The following CSGALNACT1 variants were observed in gnomAD, a reference collection of about 807,000 sequenced individuals.
The protein encoded by CSGALNACT1 is beta4GalNAcT-1.
A neutral mutation model predicts 51.0 loss-of-function variants in CSGALNACT1; 52 were observed. That is an observed-to-expected ratio of 1.02 (90% CI 0.82 to 1.29). CSGALNACT1 has a LOEUF of 1.29. Among genes scored for constraint, CSGALNACT1 ranks in the 50% most tolerant of loss-of-function variants. The pLI, the probability that CSGALNACT1 is intolerant of heterozygous loss-of-function variation, is 0.00. For synonymous variants in CSGALNACT1, 341 were observed against 254.4 expected, an observed-to-expected ratio of 1.34 and a Z score of -3.24; for missense variants, 935 against 679.2, an observed-to-expected ratio of 1.38 and a Z score of -4.19.
At chr8:19,729,425 C>T (rs2063569768) in intron 1 of CSGALNACT1, among the ~76,000 whole-genome samples, 1 of 152,168 alleles carries the variant, frequency 6.6e-6, no homozygotes, top group Admixed American at 6.5e-5. Context: ...AGCTGTAAAA[C>T]ACTTCCAGAT....
At chr8:19,606,655 A>G (rs1416642487), upstream of CSGALNACT1, among the ~76,000 whole-genome samples, 1 of 152,200 alleles carries the variant, frequency 6.6e-6, no homozygotes, top group Non-Finnish European at 1.5e-5. Context: ...ACGGAAACAT[A>G]TCTATTTTTA....
chr8:19,676,083 T>TAAAAAAAAAAAAAAAAA (rs1564404826), intron 1 of CSGALNACT1, among the ~76,000 whole-genome samples: 27 of 59,150 alleles, frequency 4.6e-4, no homozygotes, highest in African/African-American at 1.2e-3. Flanking sequence ...GTTGTCTGAT[T>TAAAAAAAAAAAAAAAAA]TAAAAAACAA....
At chr8:19,428,454 A>AC (rs2059124622) in intron 6 of CSGALNACT1, among the ~76,000 whole-genome samples, 2 of 152,238 alleles carry the variant, frequency 1.3e-5, no homozygotes, top group East Asian at 3.9e-4. Context: ...AGACTTATTC[A>AC]CCACCATGAG....
intron 6 of CSGALNACT1, among the ~76,000 whole-genome samples, chr8:19,428,863 G>GTGTGTGTGTGTGTGTGTGTGTGTGTGTA (rs2059213769): frequency 6.8e-6 from 1 of 147,678 alleles, no homozygotes; most frequent in Non-Finnish European, 1.5e-5. Context: ...GTGTGTGTGT[G>GTGTGTGTGTGTGTGTGTGTGTGTGTGTA]TGTGTGTGTG....
chr8:19,703,045 T>C (rs1049040376), intron 1 of CSGALNACT1, among the ~76,000 whole-genome samples: 1 of 152,162 alleles, frequency 6.6e-6, no homozygotes, highest in Admixed American at 6.5e-5. Context: ...GGGAAACCTG[T>C]AACCCTATGG....
intron 1 of CSGALNACT1, among the ~76,000 whole-genome samples, chr8:19,625,655 T>G (rs376829740): frequency 4.6e-5 from 7 of 152,230 alleles, no homozygotes; most frequent in African/African-American, 1.7e-4. Context: ...CGGATCATGC[T>G]GTCTCTGCAA....
At chr8:19,421,643 T>G (rs17479120) in intron 6 of CSGALNACT1, among the ~76,000 whole-genome samples, 1 of 152,236 alleles carries the variant, frequency 6.6e-6, no homozygotes, top group African/African-American at 2.4e-5. Flanking sequence ...TTTGTAAAGT[T>G]TGCATTCCAA....
intron 1 of CSGALNACT1, among the ~76,000 whole-genome samples, chr8:19,653,844 G>C (rs1366421453): frequency 1.3e-5 from 2 of 151,570 alleles, no homozygotes; most frequent in Non-Finnish European, 2.9e-5. Context: ...CATTTCTCTT[G>C]AGCATCAAAT....
rs111734132 is a variant in CSGALNACT1 at position 19,577,401 on chromosome 8, C to CAAAAAAAAAAAAAAAA, written c.-297+13758_-297+13759insTTTTTTTTTTTTTTTT. ...ACAACGAAGCCCGACCCCACCTCTA[C>CAAAAAAAAAAAAAAAA]AAAAAAAAAAAAAGCCTAGTATGGT... On this transcript the variant is annotated intron_variant, in intron 3 of 9. Coordinates refer to ENST00000454498, the Ensembl canonical transcript of CSGALNACT1. Among the ~76,000 whole-genome samples the CAAAAAAAAAAAAAAAA allele has an allele frequency of 5.8e-4, 60 of 104,226 alleles. 2 individuals are homozygous for CAAAAAAAAAAAAAAAA. The highest frequency in any genetic ancestry group is 2.2e-3 in the African/African-American group (51 of 23,122). The allele number at this position is 104,226 out of a possible 152,430, so 68.4% of individuals were successfully genotyped here.
At chr8:19,511,148 C>A (rs1413958990) in intron 3 of CSGALNACT1, among the ~76,000 whole-genome samples, 1 of 152,226 alleles carries the variant, frequency 6.6e-6, no homozygotes, top group African/African-American at 2.4e-5. Flanking sequence ...GCAGGCAGCA[C>A]TACATGCTAC....
At chr8:19,487,439 C>T (rs552736817) in intron 4 of CSGALNACT1, among the ~76,000 whole-genome samples, 13 of 152,298 alleles carry the variant, frequency 8.5e-5, no homozygotes, top group Non-Finnish European at 1.5e-4. Flanking sequence ...GCCCACATGT[C>T]AACACGATGG....
chr8:19,520,749 C>G (rs1219496901), intron 3 of CSGALNACT1, among the ~76,000 whole-genome samples: 1 of 152,140 alleles, frequency 6.6e-6, no homozygotes, highest in African/African-American at 2.4e-5. Context: ...TAATTATAAC[C>G]CCATGCTATC....
At chr8:19,616,255 C>T (rs912623409) in intron 1 of CSGALNACT1, among the ~76,000 whole-genome samples, 3 of 152,150 alleles carry the variant, frequency 2.0e-5, no homozygotes, top group African/African-American at 7.2e-5. Flanking sequence ...TTTCTTTATG[C>T]TACTTGTTGC....
At chr8:19,586,395 C>T (rs149235415) in intron 3 of CSGALNACT1, among the ~76,000 whole-genome samples, 4 of 136,532 alleles carry the variant, frequency 2.9e-5, no homozygotes, top group Non-Finnish European at 6.1e-5. Context: ...AGACACGCAC[C>T]GTAGTCTTAT....
chr8:19,464,030 C>T (rs1017198834), intron 4 of CSGALNACT1, among the ~76,000 whole-genome samples: 3 of 152,218 alleles, frequency 2.0e-5, no homozygotes, highest in African/African-American at 7.2e-5. Context: ...TCAGATTCCC[C>T]GCCCCCACTG....
At chr8:19,682,912 A>G, upstream of CSGALNACT1, 1 of 348,096 alleles carries the variant, frequency 2.9e-6, no homozygotes, top group South Asian at 2.2e-5. Context: ...ATGACCATAT[A>G]TGAAATCCCA....
At chr8:19,576,299 G>C (rs772449308) in intron 3 of CSGALNACT1, among the ~76,000 whole-genome samples, 5 of 127,656 alleles carry the variant, frequency 3.9e-5, no homozygotes, top group Admixed American at 8.4e-5. Context: ...AGGTTCATGA[G>C]ATTCTCCTGC....
intron 1 of CSGALNACT1, among the ~76,000 whole-genome samples, chr8:19,621,520 T>G (rs1255514093): frequency 6.6e-6 from 1 of 152,260 alleles, no homozygotes; most frequent in South Asian, 2.1e-4. Context: ...GTGGCTGTTA[T>G]GTGTAATCCA....
intron 3 of CSGALNACT1, among the ~76,000 whole-genome samples, chr8:19,558,932 A>C (rs11995671): frequency 0.13 from 19,548 of 152,172 alleles, 1,580 homozygotes; most frequent in African/African-American, 0.23. Context: ...TAAACTGGAA[A>C]TATTCTGAAC....
Sources: allele counts gnomAD v4.1 joint callset (sites outside exome capture counted in the v4.1 genomes callset), GRCh38; gene constraint gnomAD v4.1.1; transcripts MANE v1.5; gene names NCBI Gene and HGNC (gene_info 2026-07-23, HGNC 2026-07-21).